SLC5A4: variants seen among roughly 807,000 people sequenced by gnomAD.
SLC5A4 encodes the protein solute carrier family 5 member 4, also known as probable glucose sensor protein SLC5A4.
SLC5A4 carries 55 observed loss-of-function variants against 70.3 expected under a neutral mutation model. That is an observed-to-expected ratio of 0.78 (90% CI 0.63 to 0.98). The LOEUF (loss-of-function observed/expected upper bound fraction) is 0.98. Ranked by LOEUF, SLC5A4 falls within the 50% of genes least tolerant of loss-of-function variation. The pLI is 0.00. For synonymous variants in SLC5A4, 268 were observed against 305.7 expected (o/e 0.88, Z 1.29); for missense variants, 735 against 839.2 (o/e 0.88, Z 1.53).
the SLC5A4 span, among the ~76,000 whole-genome samples, chr22:32,265,783 T>A: frequency 5.9e-5 from 9 of 151,974 alleles, no homozygotes; most frequent in Non-Finnish European, 1.0e-4. Context: ...GAGGTTGCAG[T>A]GAGCCGAGAT....
the SLC5A4 span, among the ~76,000 whole-genome samples, chr22:32,305,894 C>T: frequency 6.6e-5 from 10 of 150,902 alleles, no homozygotes; most frequent in Non-Finnish European, 1.0e-4. Flanking sequence ...AGATTCAGGG[C>T]ACTGTCACTC....
At chr22:32,347,582 A>T in the SLC5A4 span, among the ~76,000 whole-genome samples, 1 of 151,794 alleles carries the variant, frequency 6.6e-6, no homozygotes, top group Non-Finnish European at 1.5e-5. Context: ...GGAAACCATC[A>T]TTCTCAGCAA....
the SLC5A4 span, among the ~76,000 whole-genome samples, chr22:32,328,053 T>C: frequency 4.6e-4 from 69 of 151,502 alleles, no homozygotes; most frequent in African/African-American, 1.6e-3. Flanking sequence ...CCGTGTGACC[T>C]TGGACGACGT....
At chr22:32,318,226 TGTTG>T in the SLC5A4 span, among the ~76,000 whole-genome samples, 2 of 150,272 alleles carry the variant, frequency 1.3e-5, no homozygotes, top group Non-Finnish European at 2.9e-5. Context: ...AAACAGCATA[TGTTG>T]ATTTTTTTTT....
At chr22:32,239,519 TA>T (rs1291910098) in intron 5 of SLC5A4, among the ~76,000 whole-genome samples, 161 of 3,582 alleles carry the variant, frequency 0.045, 4 homozygotes, top group Non-Finnish European at 0.055. Context: ...GAGTGCATAT[TA>T]TATATATATA....
At chr22:32,224,207 A>G in intron 13 of SLC5A4, 60 bp downstream of exon 13, 1 of 1,349,780 alleles carries the variant, frequency 7.4e-7, no homozygotes, top group Non-Finnish European at 1.0e-6. Flanking sequence ...GGCGTGAGCC[A>G]CTGCGCCCGG....
chr22:32,244,815 T>C (rs1003117385), intron 5 of SLC5A4, among the ~76,000 whole-genome samples: 2 of 152,126 alleles, frequency 1.3e-5, no homozygotes, highest in African/African-American at 4.8e-5. Flanking sequence ...CAGGCAGAAG[T>C]CACTGGGCTC....
chr22:32,281,276 T>G, the SLC5A4 span, among the ~76,000 whole-genome samples: 1 of 152,116 alleles, frequency 6.6e-6, no homozygotes, highest in Non-Finnish European at 1.5e-5. Flanking sequence ...CCAGCTGCGG[T>G]TGGAATGTTC....
the SLC5A4 span, chr22:32,354,761 C>G: frequency 6.6e-6 from 1 of 151,740 alleles, no homozygotes; most frequent in African/African-American, 2.4e-5. Context: ...CAGTAACGCC[C>G]TGGATAGGGC....
chr22:32,281,676 A>G, the SLC5A4 span, among the ~76,000 whole-genome samples: 1 of 151,974 alleles, frequency 6.6e-6, no homozygotes, highest in Non-Finnish European at 1.5e-5. Flanking sequence ...TTTTGTAGAA[A>G]CAGGGGTCTC....
chr22:32,349,817 T>C, the SLC5A4 span, among the ~76,000 whole-genome samples: 1 of 152,218 alleles, frequency 6.6e-6, no homozygotes, highest in African/African-American at 2.4e-5. Context: ...ACTTGTCCTA[T>C]ATTTCTCTCT....
chr22:32,322,539 T>C, the SLC5A4 span, among the ~76,000 whole-genome samples: 2 of 151,506 alleles, frequency 1.3e-5, no homozygotes, highest in Admixed American at 6.6e-5. Context: ...TGAGCCAATA[T>C]TGCGCCACTG....
At chr22:32,309,716 C>T in the SLC5A4 span, among the ~76,000 whole-genome samples, 26 of 152,232 alleles carry the variant, frequency 1.7e-4, no homozygotes, top group South Asian at 1.0e-3. Flanking sequence ...TCTCACCCCT[C>T]GGCTCCTCCA....
the SLC5A4 span, among the ~76,000 whole-genome samples, chr22:32,315,331 G>GA: frequency 6.6e-6 from 1 of 152,252 alleles, no homozygotes; most frequent in East Asian, 1.9e-4. Context: ...AGGTGAGAAG[G>GA]AGAGAGGTAA....
chr22:32,284,165 A>G, the SLC5A4 span, among the ~76,000 whole-genome samples: 1 of 152,318 alleles, frequency 6.6e-6, no homozygotes, highest in Non-Finnish European at 1.5e-5. Context: ...GCCAAGCAAA[A>G]TAGGAAAACA....
At chr22:32,289,056 C>G in the SLC5A4 span, among the ~76,000 whole-genome samples, 1 of 151,990 alleles carries the variant, frequency 6.6e-6, no homozygotes, top group Admixed American at 6.6e-5. Flanking sequence ...GAAAGGAAAG[C>G]TTTCCGTATT....
chr22:32,238,832 T>A (rs1926212176), intron 6 of SLC5A4, among the ~76,000 whole-genome samples, 153 bp downstream of exon 6: 1 of 152,176 alleles, frequency 6.6e-6, no homozygotes, highest in Non-Finnish European at 1.5e-5. Flanking sequence ...ATGGTCTAGT[T>A]GTGTTTCTGG....
Position 32,224,326 on chromosome 22 carries a change from C to CA in SLC5A4, c.1605dup (p.Gly536TrpfsTer18). On this transcript the variant is annotated frameshift_variant, in exon 13 of 15. Transcript: ENST00000266086. LOFTEE classifies it high-confidence loss of function. ...ATTCCCAGGGTGACCAGCATGGACC[C>CA]AAAAAAGAGAACGATGGAAAAGTAC... 6.2e-7 allele frequency: 1 copy of CA among 1,613,892 alleles called. No homozygotes were observed. The highest frequency in any genetic ancestry group is 8.5e-7 in the Non-Finnish European group (1 of 1,179,940).
the SLC5A4 span, among the ~76,000 whole-genome samples, chr22:32,305,694 G>C: frequency 7.7e-6 from 1 of 130,066 alleles, no homozygotes; most frequent in Non-Finnish European, 1.6e-5. Context: ...CCAGTGTGAG[G>C]GACGGTGGCT....
Sources: allele counts gnomAD v4.1 joint callset (sites outside exome capture counted in the v4.1 genomes callset), GRCh38; gene constraint gnomAD v4.1.1; transcripts MANE v1.5; gene names NCBI Gene and HGNC (gene_info 2026-07-23, HGNC 2026-07-21).